Variants in KCNH1 observed in about 807,000 individuals in gnomAD.
KCNH1 encodes potassium voltage-gated channel subfamily H member 1.
Under a neutral mutation model 69.2 loss-of-function variants are expected in KCNH1, and 27 were observed. That is an observed-to-expected ratio of 0.39 (90% CI 0.29 to 0.54). The LOEUF (loss-of-function observed/expected upper bound fraction) is 0.54, where lower values mean the gene tolerates loss of function less well. Ranked by LOEUF, KCNH1 falls within the 20% of genes least tolerant of loss-of-function variation. The pLI, the probability that KCNH1 is intolerant of heterozygous loss-of-function variation, is 0.68. For synonymous variants in KCNH1, 456 were observed against 487.7 expected (o/e 0.93, Z 0.86); for missense variants, 798 against 1,261.6 (o/e 0.63, Z 5.57).
At chr1:210,950,808 G>A (rs554846573) in intron 6 of KCNH1, among the ~76,000 whole-genome samples, 11 of 152,020 alleles carry the variant, frequency 7.2e-5, no homozygotes, top group East Asian at 5.8e-4. Context: ...TTTAATCTTC[G>A]ATTTAATATA....
At chr1:211,069,087 C>A (rs1311071885) in intron 5 of KCNH1, among the ~76,000 whole-genome samples, 2 of 152,154 alleles carry the variant, frequency 1.3e-5, no homozygotes, top group Non-Finnish European at 2.9e-5. Context: ...AAGGCCTGAC[C>A]TCAGGAGAAA....
intron 10 of KCNH1, among the ~76,000 whole-genome samples, chr1:210,766,256 T>A (rs1476282387): frequency 2.0e-5 from 3 of 151,890 alleles, no homozygotes; most frequent in African/African-American, 7.3e-5. Flanking sequence ...CCAGGTAGGG[T>A]AGTTCCCGCC....
chr1:210,861,012 TG>T, intron 7 of KCNH1: 1 of 1,058,520 alleles, frequency 9.4e-7, no homozygotes, highest in Non-Finnish European at 1.5e-6. Context: ...AGGTCAGCAT[TG>T]GGTTCTGTAA....
At chr1:210,761,035 A>G (rs111579176) in intron 10 of KCNH1, among the ~76,000 whole-genome samples, 17 of 151,660 alleles carry the variant, frequency 1.1e-4, no homozygotes, top group Middle Eastern at 3.4e-3. Context: ...GGCGGATCAC[A>G]AGGTCAGGAG....
At chr1:210,954,446 T>A (rs1400514770) in intron 6 of KCNH1, among the ~76,000 whole-genome samples, 1 of 152,182 alleles carries the variant, frequency 6.6e-6, no homozygotes, top group Non-Finnish European at 1.5e-5. Context: ...GGTCAAATGG[T>A]ATTTCTAGTT....
chr1:210,859,180 C>G (rs1685920228), intron 7 of KCNH1: 4 of 1,573,306 alleles, frequency 2.5e-6, no homozygotes, highest in Non-Finnish European at 3.5e-6. Flanking sequence ...TAACTCAATT[C>G]ATCCCTGGTA....
chr1:210,756,335 CA>C (rs1683399183), intron 10 of KCNH1, among the ~76,000 whole-genome samples: 2 of 152,148 alleles, frequency 1.3e-5, no homozygotes. Context: ...CTGAGGAATG[CA>C]GGGTTTTAGA....
chr1:211,086,301 G>A (rs1441052300), intron 4 of KCNH1, among the ~76,000 whole-genome samples: 1 of 152,162 alleles, frequency 6.6e-6, no homozygotes, highest in Non-Finnish European at 1.5e-5. Context: ...GGATATTTCT[G>A]TGCCTGTCTT....
At chr1:210,690,719 G>A (rs1489361904) in intron 10 of KCNH1, among the ~76,000 whole-genome samples, 2 of 152,184 alleles carry the variant, frequency 1.3e-5, no homozygotes, top group African/African-American at 4.8e-5. Context: ...ATGAATACAT[G>A]ACAGCCCAGA....
chr1:211,036,901 G>C (rs1410050094), intron 5 of KCNH1, among the ~76,000 whole-genome samples: 1 of 152,098 alleles, frequency 6.6e-6, no homozygotes, highest in Non-Finnish European at 1.5e-5. Flanking sequence ...AATGTCACTA[G>C]TCCACACTCT....
At chr1:210,986,366 T>A (rs988118107) in intron 6 of KCNH1, among the ~76,000 whole-genome samples, 5 of 152,250 alleles carry the variant, frequency 3.3e-5, no homozygotes, top group Non-Finnish European at 5.9e-5. Flanking sequence ...TTGATGCAAC[T>A]TCTTCCTAGC....
chr1:211,035,439 G>A (rs796192055), intron 5 of KCNH1, among the ~76,000 whole-genome samples: 42 of 150,696 alleles, frequency 2.8e-4, no homozygotes, highest in African/African-American at 9.7e-4. Flanking sequence ...TAGTAGAGAC[G>A]GGGTTTCACC....
intron 5 of KCNH1, among the ~76,000 whole-genome samples, chr1:211,034,309 G>GAA (rs201109318): frequency 7.4e-5 from 11 of 148,694 alleles, no homozygotes; most frequent in African/African-American, 2.7e-4. Flanking sequence ...TCCAGAGACT[G>GAA]AAAAAAAAAC....
At chr1:210,847,739 A>C (rs1685591634) in intron 7 of KCNH1, among the ~76,000 whole-genome samples, 1 of 151,900 alleles carries the variant, frequency 6.6e-6, no homozygotes, top group East Asian at 1.9e-4. Flanking sequence ...ATAATAATAA[A>C]ATTTTAAAAA....
At chr1:210,765,959 A>T (rs1183570401) in intron 10 of KCNH1, among the ~76,000 whole-genome samples, 3 of 152,082 alleles carry the variant, frequency 2.0e-5, no homozygotes, top group Non-Finnish European at 2.9e-5. Context: ...GCTAGTCGGG[A>T]GGCTGAGGCA....
At chr1:210,749,787 G>A (rs1683242000) in intron 10 of KCNH1, among the ~76,000 whole-genome samples, 1 of 140,194 alleles carries the variant, frequency 7.1e-6, no homozygotes. Flanking sequence ...CTGTCATCCA[G>A]CCTAGAGTAC....
chr1:210,898,597 C>T (rs1257558725), intron 7 of KCNH1, among the ~76,000 whole-genome samples: 1 of 151,690 alleles, frequency 6.6e-6, no homozygotes, highest in Non-Finnish European at 1.5e-5. Flanking sequence ...TGAGCACCCA[C>T]TGTGAGCCAG....
In KCNH1 at chr1:211,061,357, T is replaced by A. The variant is rs188545887; in HGVS notation, c.558+21423A>T. Among the ~76,000 whole-genome samples the A allele has an allele frequency of 1.1e-3, 162 of 152,244 alleles. 1 individual carries two copies. The highest frequency in any genetic ancestry group is 3.7e-3 in the African/African-American group (155 of 41,542). On this transcript the variant is annotated intron_variant, in intron 5 of 10. Transcript: ENST00000271751. ...TAAAACAGACCCACAGCTAGTATAA[T>A]ACCGAATGGGGAAAAACTGAAAGCC... is the stretch of plus-strand genomic sequence containing the variant.
intron 1 of KCNH1, among the ~76,000 whole-genome samples, chr1:211,127,956 G>A (rs1691810806): frequency 6.6e-6 from 1 of 152,138 alleles, no homozygotes. Context: ...CGGACACAAT[G>A]TGTGGTACAG....
Sources: gnomAD v4.1 joint callset for allele counts (sites outside exome capture counted in the v4.1 genomes callset) on GRCh38, gnomAD v4.1.1 for gene constraint, MANE v1.5 for transcripts, NCBI Gene and HGNC (gene_info 2026-07-23, HGNC 2026-07-21) for gene names.